The following CAMK1D variants were observed in gnomAD, a reference collection of about 807,000 sequenced individuals.
The protein encoded by CAMK1D is calcium/calmodulin-dependent protein kinase type 1D.
A neutral mutation model predicts 47.7 loss-of-function variants in CAMK1D; 9 were observed. The ratio of observed to expected loss-of-function variants is 0.19; its 90% CI spans 0.11 to 0.33. CAMK1D has a LOEUF of 0.33. CAMK1D is among the 10% of genes least tolerant of loss of function. CAMK1D has a pLI of 1.00. For synonymous variants in CAMK1D, 184 were observed against 184.9 expected (o/e 0.99, Z 0.04); for missense variants, 291 against 488.7 (o/e 0.60, Z 3.81).
At chr10:12,441,830 C>T (rs533964217) in intron 1 of CAMK1D, among the ~76,000 whole-genome samples, 1 of 152,136 alleles carries the variant, frequency 6.6e-6, no homozygotes, top group East Asian at 1.9e-4. Context: ...AACTCTTCCC[C>T]GCACCCACAA....
At chr10:12,422,577 A>T (rs1010344618) in intron 1 of CAMK1D, among the ~76,000 whole-genome samples, 24 of 152,300 alleles carry the variant, frequency 1.6e-4, no homozygotes, top group African/African-American at 5.8e-4. Flanking sequence ...TCCCCTCCAA[A>T]AAAGAGCTTG....
At chr10:12,586,800 G>A (rs1837832076) in intron 2 of CAMK1D, among the ~76,000 whole-genome samples, 1 of 152,154 alleles carries the variant, frequency 6.6e-6, no homozygotes, top group African/African-American at 2.4e-5. Context: ...TCATAAAAAA[G>A]AGCAGTCTTT....
chr10:12,647,947 G>A (rs1196321168), intron 2 of CAMK1D, among the ~76,000 whole-genome samples: 1 of 152,186 alleles, frequency 6.6e-6, no homozygotes, highest in East Asian at 1.9e-4. Context: ...CAGGTGTGCA[G>A]ATGGAGCTTG....
At position 12,357,717 on chromosome 10, in the gene CAMK1D, C is replaced by G. The variant is rs560292062; in HGVS notation, c.92+7807C>G. On this transcript the variant is annotated intron_variant, in intron 1 of 10. Transcript: ENST00000619168. ...CGTTATTTTCCTGATGCAAGATGGT[C>G]AATTCCGTGCTTATTTAGTGCAGGA... 1.2e-4 allele frequency among the ~76,000 whole-genome samples: 19 copies of G among 152,230 alleles called. No individual in the cohort carries two copies. The South Asian group carries it at 3.9e-3, about 32-fold the overall frequency.
At chr10:12,828,025 C>T (rs548317248) in intron 10 of CAMK1D, among the ~76,000 whole-genome samples, 2 of 152,304 alleles carry the variant, frequency 1.3e-5, no homozygotes, top group African/African-American at 4.8e-5. Flanking sequence ...CAAGAGTGTA[C>T]ACAACACACC....
intron 1 of CAMK1D, among the ~76,000 whole-genome samples, chr10:12,470,530 T>TC: frequency 6.6e-6 from 1 of 152,122 alleles, no homozygotes; most frequent in South Asian, 2.1e-4. Context: ...CTTTTTTTTT[T>TC]CTTCCAACAT....
intron 2 of CAMK1D, among the ~76,000 whole-genome samples, chr10:12,601,345 CAT>C (rs1838297777): frequency 6.6e-6 from 1 of 152,140 alleles, no homozygotes; most frequent in Non-Finnish European, 1.5e-5. Flanking sequence ...TGAAGATAGA[CAT>C]ATGACATGAA....
intron 1 of CAMK1D, among the ~76,000 whole-genome samples, chr10:12,374,425 C>T (rs1361313431): frequency 6.6e-6 from 1 of 152,110 alleles, no homozygotes; most frequent in Non-Finnish European, 1.5e-5. Flanking sequence ...GGTACCGTGT[C>T]CTACAGATCC....
At chr10:12,728,108 C>T (rs1051801320) in intron 3 of CAMK1D, among the ~76,000 whole-genome samples, 1 of 152,176 alleles carries the variant, frequency 6.6e-6, no homozygotes, top group Non-Finnish European at 1.5e-5. Context: ...CAAAGGCTTC[C>T]CTGTGAGTAA....
intron 1 of CAMK1D, among the ~76,000 whole-genome samples, chr10:12,371,525 G>A (rs112163374): frequency 0.33 from 48,455 of 147,970 alleles, 8,059 homozygotes; most frequent in Middle Eastern, 0.39. Flanking sequence ...GCAGTGAGCC[G>A]AGATCGTGCC....
intron 1 of CAMK1D, among the ~76,000 whole-genome samples, chr10:12,532,714 G>T (rs1835848367): frequency 6.6e-6 from 1 of 152,116 alleles, no homozygotes; most frequent in Non-Finnish European, 1.5e-5. Flanking sequence ...GTAGATGGAT[G>T]GATAACGAAA....
intron 1 of CAMK1D, among the ~76,000 whole-genome samples, chr10:12,493,057 T>C (rs2768438): frequency 0.74 from 112,735 of 152,114 alleles, 42,178 homozygotes; most frequent in East Asian, 0.97. Flanking sequence ...ACTTGCTTTC[T>C]GTACTCTTGT....
chr10:12,601,421 C>T lies in CAMK1D; in HGVS notation c.224+48065C>T, dbSNP rs139627098. ...ACGTGTGTGGCCTGCCACAGCACCT[C>T]GTATAAGTCTGCCACAGACTTATGT... On this transcript the variant is annotated intron_variant, in intron 2 of 10. Transcript: ENST00000619168. 3.0e-3 allele frequency among the ~76,000 whole-genome samples: 451 copies of T among 152,110 alleles called. 1 individual carries two copies. The highest frequency in any genetic ancestry group is 9.2e-3 in the African/African-American group (381 of 41,504).
intron 1 of CAMK1D, among the ~76,000 whole-genome samples, chr10:12,540,859 A>G (rs1014150549): frequency 2.6e-5 from 4 of 151,488 alleles, no homozygotes; most frequent in Admixed American, 6.6e-5. Context: ...AGTTAAGGAT[A>G]TGTTTCTAAT....
At chr10:12,477,806 G>A (rs1168754497) in intron 1 of CAMK1D, among the ~76,000 whole-genome samples, 6 of 152,132 alleles carry the variant, frequency 3.9e-5, no homozygotes, top group Non-Finnish European at 8.8e-5. Flanking sequence ...AACATCCACC[G>A]TGTTTGGCTG....
rs369528468 is a variant in CAMK1D, at chr10:12,666,694, C to G, written c.225-42C>G. 1.1e-5 allele frequency: 16 copies of G among 1,472,236 alleles called. No individual in the cohort carries two copies. The African/African-American group carries it at 1.7e-4, about 15-fold the overall frequency. 91.2% of individuals were successfully genotyped at this position (1,472,236 alleles called of 1,614,324 possible). A position where few individuals can be genotyped will look rare whatever the true frequency, so the allele number is the denominator to read the frequency against. On this transcript the variant is annotated intron_variant, in intron 2 of 10. Transcript: ENST00000619168. ...TGTCTGTTTTGAAACATTTTCCTATCTAATCATACTCACTATTTTGTGCGT... is the reference window on the plus strand; with the variant it reads ...TGTCTGTTTTGAAACATTTTCCTATGTAATCATACTCACTATTTTGTGCGT...
At chr10:12,826,144 A>C (rs1833200265) in intron 10 of CAMK1D, 1 of 159,884 alleles carries the variant, frequency 6.3e-6, no homozygotes, top group South Asian at 1.8e-4. Flanking sequence ...CTCAAAAAAA[A>C]AAAAGAAAAA....
At chr10:12,585,716 A>G (rs914058205) in intron 2 of CAMK1D, among the ~76,000 whole-genome samples, 7 of 152,060 alleles carry the variant, frequency 4.6e-5, no homozygotes, top group African/African-American at 9.7e-5. Flanking sequence ...CCATGATTCA[A>G]TTATCTCCCA....
chr10:12,780,156 T>G (rs1028242303), intron 5 of CAMK1D, among the ~76,000 whole-genome samples: 4 of 152,212 alleles, frequency 2.6e-5, no homozygotes, highest in African/African-American at 9.6e-5. Context: ...CAGGGATCAC[T>G]GCACTTCTAG....
Sources: gnomAD v4.1 joint callset for allele counts (sites outside exome capture counted in the v4.1 genomes callset) on GRCh38, gnomAD v4.1.1 for gene constraint, MANE v1.5 for transcripts, NCBI Gene and HGNC (gene_info 2026-07-23, HGNC 2026-07-21) for gene names.